Variants in EXOC4 observed in about 807,000 individuals in gnomAD.
EXOC4 encodes the protein SEC8-like 1.
In EXOC4, 71 loss-of-function variants were observed where a neutral mutation model predicts 107.2. The ratio of observed to expected loss-of-function variants is 0.66; its 90% CI spans 0.55 to 0.81. EXOC4 has a LOEUF of 0.81. EXOC4 is among the 30% of genes least tolerant of loss of function. The probability of loss-of-function intolerance (pLI) is 0.00; values close to 1 mark genes in which losing one functional copy is unlikely to be tolerated. For missense variants in EXOC4, 1,108 were observed against 1,189.6 expected (o/e 0.93, Z 1.01); for synonymous variants, 456 against 441.2 (o/e 1.03, Z -0.42).
At chr7:133,505,139 G>A (rs1230690486) in intron 9 of EXOC4, among the ~76,000 whole-genome samples, 1 of 152,148 alleles carries the variant, frequency 6.6e-6, no homozygotes, top group East Asian at 1.9e-4. Context: ...AAGAAGAGTA[G>A]CTTGTGAGAC....
At chr7:133,275,252 G>A (rs571573101) in intron 2 of EXOC4, 81 bp downstream of exon 2, 8 of 1,157,132 alleles carry the variant, frequency 6.9e-6, no homozygotes, top group Middle Eastern at 2.1e-4. Context: ...CCATGGTAGT[G>A]GCTAATGGTC....
In EXOC4 at chr7:133,991,721, A is replaced by G. The variant is rs142657376; in HGVS notation, c.2207-5771A>G. Among the ~76,000 whole-genome samples, 607 of 152,064 alleles carry G rather than the reference A, an allele frequency of 4.0e-3. 5 individuals are homozygous for G. Among genetic ancestry groups the G allele is most frequent in the African/African-American group, 0.014 (576 of 41,456 alleles). ...TATTAAAGAAACTGCCCTTTCCCCAATGTGTGTTCTTGGTGCCTTTGTCAA... is the reference window on the plus strand; with the variant it reads ...TATTAAAGAAACTGCCCTTTCCCCAGTGTGTGTTCTTGGTGCCTTTGTCAA... On this transcript the variant is annotated intron_variant, in intron 14 of 17. Coordinates refer to ENST00000253861, the MANE Select transcript of EXOC4 (RefSeq NM_021807.4).
Position 133,931,500 on chromosome 7 carries a change from A to T in EXOC4, c.2028-6391A>T, listed in dbSNP as rs147515248. Among the ~76,000 whole-genome samples, 365 of 152,322 alleles carry T rather than the reference A, an allele frequency of 2.4e-3. 5 individuals carry two copies. Among genetic ancestry groups the T allele is most frequent in the African/African-American group, 8.2e-3 (341 of 41,580 alleles). ...AGAAATAAAAAAGTTAACTATTTAA[A>T]ATATAGAATATATTGTTAATAATAT... On this transcript the variant is annotated intron_variant, in intron 13 of 17. Coordinates refer to ENST00000253861, the MANE Select transcript of EXOC4 (RefSeq NM_021807.4).
intron 9 of EXOC4, among the ~76,000 whole-genome samples, chr7:133,553,968 A>C (rs1800643631): frequency 6.6e-6 from 1 of 152,136 alleles, no homozygotes; most frequent in Non-Finnish European, 1.5e-5. Context: ...ATAGATAATA[A>C]ATTTTTAATA....
chr7:133,700,910 T>C (rs961617598), intron 10 of EXOC4, among the ~76,000 whole-genome samples: 1 of 151,996 alleles, frequency 6.6e-6, no homozygotes, highest in Non-Finnish European at 1.5e-5. Flanking sequence ...CAAATTCAAA[T>C]ATTAGGCTTA....
chr7:133,974,071 C>G (rs2116887371), intron 14 of EXOC4, among the ~76,000 whole-genome samples: 1 of 152,318 alleles, frequency 6.6e-6, no homozygotes, highest in Non-Finnish European at 1.5e-5. Flanking sequence ...TTTAAGGTCC[C>G]ACCTCTTAAC....
intron 7 of EXOC4, among the ~76,000 whole-genome samples, chr7:133,400,662 C>G (rs962249001): frequency 6.6e-6 from 1 of 152,140 alleles, no homozygotes; most frequent in African/African-American, 2.4e-5. Flanking sequence ...TGAAGAAGTA[C>G]TTTTGACTTT....
intron 10 of EXOC4, among the ~76,000 whole-genome samples, chr7:133,814,535 T>C (rs900179659): frequency 6.6e-6 from 1 of 152,192 alleles, no homozygotes; most frequent in African/African-American, 2.4e-5. Flanking sequence ...CTCAGAAGAA[T>C]TTCCCAGGAG....
chr7:134,006,983 G>A (rs1032432370), intron 16 of EXOC4, among the ~76,000 whole-genome samples: 6 of 150,224 alleles, frequency 4.0e-5, no homozygotes, highest in South Asian at 4.2e-4. Context: ...AACTACTTGT[G>A]GGGGGGCCCC....
intron 9 of EXOC4, among the ~76,000 whole-genome samples, chr7:133,606,093 A>G (rs1008056585): frequency 1.1e-4 from 17 of 152,182 alleles, no homozygotes; most frequent in Non-Finnish European, 1.9e-4. Flanking sequence ...GACTAAGACC[A>G]TTTTAAGAAG....
intron 10 of EXOC4, among the ~76,000 whole-genome samples, chr7:133,704,567 A>G (rs1220820180): frequency 6.6e-6 from 1 of 152,200 alleles, no homozygotes; most frequent in East Asian, 1.9e-4. Flanking sequence ...ACAGTGAGTA[A>G]TGCACGTAGG....
chr7:133,703,899 G>A (rs904650058), intron 10 of EXOC4, among the ~76,000 whole-genome samples: 3 of 152,156 alleles, frequency 2.0e-5, no homozygotes, highest in African/African-American at 7.2e-5. Flanking sequence ...GCTCCTTCAT[G>A]GTCAGCAGAT....
chr7:133,600,180 A>G (rs1385712119), intron 9 of EXOC4, among the ~76,000 whole-genome samples: 1 of 152,108 alleles, frequency 6.6e-6, no homozygotes, highest in Non-Finnish European at 1.5e-5. Flanking sequence ...GAGATAAGTC[A>G]GGCATAAGCC....
chr7:133,429,569 C>T (rs528544334), intron 7 of EXOC4, among the ~76,000 whole-genome samples: 2 of 152,294 alleles, frequency 1.3e-5, no homozygotes, highest in South Asian at 4.1e-4. Flanking sequence ...AGGAAGAAAA[C>T]TGGCCTTTAG....
chr7:133,371,087 AG>A (rs1402035147), intron 6 of EXOC4, among the ~76,000 whole-genome samples: 1 of 152,212 alleles, frequency 6.6e-6, no homozygotes, highest in Non-Finnish European at 1.5e-5. Context: ...CCTGGTAGTA[AG>A]AATGTAAAGG....
chr7:134,019,415 GTGATGATGATGA>G (rs149056095), intron 17 of EXOC4, among the ~76,000 whole-genome samples: 1 of 148,646 alleles, frequency 6.7e-6, no homozygotes, highest in Non-Finnish European at 1.5e-5. Flanking sequence ...CTTTCTCTCA[GTGATGATGATGA>G]TGATGATGAT....
intron 17 of EXOC4, among the ~76,000 whole-genome samples, chr7:134,018,882 A>T (rs950127344): frequency 2.0e-5 from 3 of 152,058 alleles, no homozygotes; most frequent in Non-Finnish European, 4.4e-5. Flanking sequence ...TATGGGTTTT[A>T]AAATATGTTT....
chr7:133,655,036 C>T (rs1490746767), intron 10 of EXOC4, among the ~76,000 whole-genome samples: 1 of 152,020 alleles, frequency 6.6e-6, no homozygotes, highest in Non-Finnish European at 1.5e-5. Context: ...GTGAGTGGTA[C>T]GTGAATGTGA....
intron 11 of EXOC4, among the ~76,000 whole-genome samples, chr7:133,871,538 G>A (rs1210995310): frequency 6.6e-6 from 1 of 151,970 alleles, no homozygotes; most frequent in Admixed American, 6.6e-5. Flanking sequence ...TGAACACCCA[G>A]CCCAGATTTT....
Sources: allele counts gnomAD v4.1 joint callset (sites outside exome capture counted in the v4.1 genomes callset), GRCh38; gene constraint gnomAD v4.1.1; transcripts MANE v1.5; gene names NCBI Gene and HGNC (gene_info 2026-07-23, HGNC 2026-07-21).